ABR: variants seen among roughly 807,000 people sequenced by gnomAD.
ABR encodes active breakpoint cluster region-related protein.
ABR carries 35 observed loss-of-function variants against 107.2 expected under a neutral mutation model. That is an observed-to-expected ratio of 0.33 (90% CI 0.25 to 0.43). The LOEUF (loss-of-function observed/expected upper bound fraction) is 0.43, where lower values mean the gene tolerates loss of function less well. ABR is among the 20% of genes least tolerant of loss of function. The pLI, the probability that ABR is intolerant of heterozygous loss-of-function variation, is 1.00. For synonymous variants in ABR, 498 were observed against 462.0 expected (o/e 1.08, Z -1.00); for missense variants, 815 against 1,115.2 (o/e 0.73, Z 3.83).
intron 16 of ABR, among the ~76,000 whole-genome samples, chr17:1,013,643 G>C (rs1207969463): frequency 6.6e-6 from 1 of 152,228 alleles, no homozygotes; most frequent in Non-Finnish European, 1.5e-5. Context: ...AGGAGCCCGC[G>C]CACAGGAGGC....
In ABR at chr17:1,051,420, G is replaced by A. The variant is rs1243256827; in HGVS notation, c.1562-786C>T. Among the ~76,000 whole-genome samples, 1 of 152,096 alleles carries A rather than the reference G, an allele frequency of 6.6e-6. No homozygotes were observed. Among genetic ancestry groups the A allele is most frequent in the Non-Finnish European group, 1.5e-5 (1 of 68,012 alleles). On this transcript the variant is annotated intron_variant, in intron 14 of 22. Coordinates refer to ENST00000302538, the MANE Select transcript of ABR (RefSeq NM_021962.5). This position sits in a 1 kb window ranked among gnomAD's most constrained non-coding sequence, Gnocchi z 4.3. ...CGCTCCAGGTAACAAGGCAGTGGAGGGCTGGGGCGGGAGGGCAGGGCCGGG... is the reference window on the plus strand; with the variant it reads ...CGCTCCAGGTAACAAGGCAGTGGAGAGCTGGGGCGGGAGGGCAGGGCCGGG...
intron 7 of ABR, 41 bp from the exon 8 acceptor site, chr17:1,072,795 G>A (rs952452123): frequency 1.9e-6 from 3 of 1,596,146 alleles, no homozygotes; most frequent in Admixed American, 3.5e-5. Flanking sequence ...AGCGGCTCTG[G>A]GGCCTGATGT....
intron 2 of ABR, among the ~76,000 whole-genome samples, chr17:1,110,421 C>T (rs1431284415): frequency 6.6e-6 from 1 of 152,188 alleles, no homozygotes; most frequent in Non-Finnish European, 1.5e-5. Flanking sequence ...AACCACCACT[C>T]ACTCCAGCCG....
In ABR at chr17:1,157,733, G is replaced by A. The variant is rs564975827; in HGVS notation, c.61+21934C>T. On this transcript the variant is annotated intron_variant, in intron 1 of 22. Transcript: ENST00000302538. The surrounding 1 kb of genome is among the most constrained non-coding windows in gnomAD (Gnocchi z 4.7). ...ACACCGCTCTCACGCCAATGCGTGC[G>A]GACAGCCTGGTGGGATCAGCAGGAC... Among the ~76,000 whole-genome samples, 909 of 152,346 alleles carry A rather than the reference G, an allele frequency of 6.0e-3. 13 individuals carry two copies. The highest frequency in any genetic ancestry group is 5.6e-3 in the Non-Finnish European group (382 of 68,032).
chr17:1,198,704 C>T (rs1209641173), intron 1 of ABR, among the ~76,000 whole-genome samples: 1 of 150,640 alleles, frequency 6.6e-6, no homozygotes, highest in African/African-American at 2.5e-5. Flanking sequence ...GATGCCATCT[C>T]GGCTCACTGC....
intron 16 of ABR, among the ~76,000 whole-genome samples, chr17:1,047,225 T>A (rs1261582308): frequency 6.6e-6 from 1 of 152,246 alleles, no homozygotes; most frequent in Non-Finnish European, 1.5e-5. Flanking sequence ...TCCGACTATG[T>A]CCTCAGCGCC....
At chr17:1,086,844 C>A (rs2036622432) in intron 4 of ABR, among the ~76,000 whole-genome samples, 1 of 152,124 alleles carries the variant, frequency 6.6e-6, no homozygotes. Flanking sequence ...CTGTGGTACA[C>A]ACACCTATAG....
At chr17:1,109,046 A>G (rs2038469434) in intron 2 of ABR, 3 of 1,596,330 alleles carry the variant, frequency 1.9e-6, no homozygotes, top group Non-Finnish European at 8.5e-7. Flanking sequence ...CAGCAAGCCT[A>G]TCGCCTCCTC....
rs1165606358 is a variant in ABR, at chr17:1,050,426, AG to A, written c.1659+110del. ...GAAGCCAGAGGAGCAGGGAGCAGAA[AG>A]GGGGGTGCAGACATAGCTGGTCCAA... On this transcript the variant is annotated intron_variant, in intron 15 of 22. Coordinates refer to ENST00000302538, the MANE Select transcript of ABR (RefSeq NM_021962.5). The surrounding 1 kb of genome is among the most constrained non-coding windows in gnomAD (Gnocchi z 4.6). 4.6e-6 allele frequency: 5 copies of A among 1,092,046 alleles called. No homozygotes were observed. Among genetic ancestry groups the A allele is most frequent in the East Asian group, 2.4e-5 (1 of 41,994 alleles). The allele number at this position is 1,092,046 out of a possible 1,614,324, so 67.6% of individuals were successfully genotyped here. A position where few individuals can be genotyped will look rare whatever the true frequency, so the allele number is the denominator to read the frequency against.
intron 16 of ABR, among the ~76,000 whole-genome samples, chr17:1,048,428 C>A (rs548070435): frequency 1.3e-5 from 2 of 152,388 alleles, no homozygotes; most frequent in African/African-American, 4.8e-5. Context: ...GAGCCAGATA[C>A]CAAACTCGGT....
chr17:1,155,864 T>C (rs1190260545), intron 1 of ABR: 1 of 144,394 alleles, frequency 6.9e-6, no homozygotes, highest in Non-Finnish European at 1.5e-5. Flanking sequence ...CTCGGGAGGC[T>C]GAGGCAGGAA....
Position 1,010,729 on chromosome 17 carries a change from C to T in ABR, c.2236G>A (p.Ala746Thr). Residue 746 changes from alanine to threonine, a missense_variant and splice_region_variant, in exon 20 of 23, where the codon GCC becomes ACC. By Grantham distance (58) the Ala-to-Thr change is moderately conservative. Around this residue, in one of 5 missense-constraint regions of ABR, gnomAD observed 175 missense variants for 284.3 expected, o/e 0.62. Coordinates refer to ENST00000302538, the MANE Select transcript of ABR (RefSeq NM_021962.5). The surrounding 1 kb of genome is among the most constrained non-coding windows in gnomAD (Gnocchi z 4.1). ...RLYPAFMEGI[A>T]LSDPAAKENC... ...GTCCTAGGAGCCCTCAGGGCCTCACCGATGCCCTCCATGAAGGCTGGGTAG... is the reference window on the plus strand; with the variant it reads ...GTCCTAGGAGCCCTCAGGGCCTCACTGATGCCCTCCATGAAGGCTGGGTAG... 3 of 1,613,448 alleles carry T rather than the reference C, an allele frequency of 1.9e-6. No homozygotes were observed. Among genetic ancestry groups the T allele is most frequent in the Non-Finnish European group, 1.7e-6 (2 of 1,179,962 alleles).
In ABR at chr17:1,082,997, G is replaced by A. The variant is rs145693392; in HGVS notation, c.639+523C>T. Among the ~76,000 whole-genome samples, 629 of 151,964 alleles carry A rather than the reference G, an allele frequency of 4.1e-3. 5 individuals are homozygous for A. The highest frequency in any genetic ancestry group is 0.013 in the African/African-American group (558 of 41,436). ...ACCTTAGCCAGGCGTGGTGGTGTGCGCCTGTAATCCCAGCTACTTGGGAGG... is the reference window on the plus strand; with the variant it reads ...ACCTTAGCCAGGCGTGGTGGTGTGCACCTGTAATCCCAGCTACTTGGGAGG... On this transcript the variant is annotated intron_variant, in intron 5 of 22. Coordinates refer to ENST00000302538, the MANE Select transcript of ABR (RefSeq NM_021962.5).
At chr17:1,099,917 C>G (rs2037748695) in intron 3 of ABR, among the ~76,000 whole-genome samples, 1 of 152,112 alleles carries the variant, frequency 6.6e-6, no homozygotes, top group Non-Finnish European at 1.5e-5. Flanking sequence ...CACCTGAGGT[C>G]AGGAGTTGGA....
At chr17:1,106,691 G>C (rs576497746) in intron 2 of ABR, among the ~76,000 whole-genome samples, 1 of 151,928 alleles carries the variant, frequency 6.6e-6, no homozygotes, top group Non-Finnish European at 1.5e-5. Flanking sequence ...CACTACGCCC[G>C]GCTAATTTTT....
chr17:1,126,175 G>A (rs758605168), intron 1 of ABR, among the ~76,000 whole-genome samples: 10 of 152,188 alleles, frequency 6.6e-5, no homozygotes, highest in East Asian at 3.9e-4. Flanking sequence ...TGCAGCGAGC[G>A]GGGTGTGCAG....
chr17:1,141,362 C>G (rs2040277359), intron 1 of ABR, among the ~76,000 whole-genome samples: 2 of 152,150 alleles, frequency 1.3e-5, no homozygotes, highest in Admixed American at 6.6e-5. Context: ...GAATCACACT[C>G]GGGTTCCATT....
chr17:1,093,237 G>C (rs569412419), intron 3 of ABR, among the ~76,000 whole-genome samples: 2 of 152,114 alleles, frequency 1.3e-5, no homozygotes, highest in Admixed American at 1.3e-4. Flanking sequence ...GGGAGGCCGA[G>C]GCAGGTAGAT....
At chr17:1,080,709 C>A (rs1428755464) in intron 5 of ABR, among the ~76,000 whole-genome samples, 1 of 129,236 alleles carries the variant, frequency 7.7e-6, no homozygotes, top group Non-Finnish European at 1.5e-5. Context: ...CAAGCTGTTT[C>A]TAGACAGAGA....
Sources: allele counts gnomAD v4.1 joint callset (sites outside exome capture counted in the v4.1 genomes callset), GRCh38; gene constraint gnomAD v4.1.1; regional missense constraint gnomAD v4.1.1; non-coding constraint Gnocchi (gnomAD v3.1); transcripts MANE v1.5; gene names NCBI Gene and HGNC (gene_info 2026-07-23, HGNC 2026-07-21).